MYO1B: variants seen among roughly 807,000 people sequenced by gnomAD.
The protein encoded by MYO1B is myosin IB.
Under a neutral mutation model 159.7 loss-of-function variants are expected in MYO1B, and 72 were observed. The ratio of observed to expected loss-of-function variants is 0.45; its 90% CI spans 0.37 to 0.55. The LOEUF (loss-of-function observed/expected upper bound fraction) is 0.55, where lower values mean the gene tolerates loss of function less well. Ranked by LOEUF, MYO1B falls within the 20% of genes least tolerant of loss-of-function variation. The probability of loss-of-function intolerance (pLI) is 0.00; values close to 1 mark genes in which losing one functional copy is unlikely to be tolerated. For synonymous variants in MYO1B, 468 were observed against 473.8 expected (o/e 0.99, Z 0.16); for missense variants, 1,062 against 1,364.8 (o/e 0.78, Z 3.50).
chr2:191,400,284 G>C, intron 21 of MYO1B, 98 bp from the exon 22 acceptor site: 1 of 1,248,892 alleles, frequency 8.0e-7, no homozygotes, highest in East Asian at 2.3e-5. Context: ...ACAATAGCAT[G>C]GGTGTTAGGA....
At chr2:191,273,732 G>A (rs1267645316) in intron 1 of MYO1B, among the ~76,000 whole-genome samples, 1 of 152,184 alleles carries the variant, frequency 6.6e-6, no homozygotes, top group Non-Finnish European at 1.5e-5. Flanking sequence ...TGGAAGGGAG[G>A]AGGTAGATCT....
At chr2:191,290,702 A>C (rs375741835) in intron 2 of MYO1B, among the ~76,000 whole-genome samples, 2 of 152,210 alleles carry the variant, frequency 1.3e-5, no homozygotes, top group Non-Finnish European at 2.9e-5. Flanking sequence ...ATTCACAGCT[A>C]TAGTACGGCC....
Position 191,411,152 on chromosome 2 carries a change from G to A in MYO1B, c.2853G>A (p.Lys951=), listed in dbSNP as rs201127504. 1.9e-6 allele frequency: 3 copies of A among 1,607,122 alleles called. No homozygotes were observed. The highest frequency in any genetic ancestry group is 2.2e-5 in the East Asian group (1 of 44,650). The change falls in exon 27 of 31, where the codon AAG becomes AAA. Residue 951 remains lysine, a synonymous_variant. Coordinates refer to ENST00000392318, the MANE Select transcript of MYO1B (RefSeq NM_001130158.3). The part of the protein sequence containing the change: ...KLEASELFKD[K]KALYPSSVGQ... Reference sequence around the variant, plus strand: ...AAGCCAGTGAACTCTTCAAAGACAAGAAGGCTTTATACCCATCTAGGTATT... The same window carrying A: ...AAGCCAGTGAACTCTTCAAAGACAAAAAGGCTTTATACCCATCTAGGTATT...
chr2:191,344,599 G>A (rs1431842088), intron 5 of MYO1B, among the ~76,000 whole-genome samples: 1 of 152,018 alleles, frequency 6.6e-6, no homozygotes, highest in South Asian at 2.1e-4. Context: ...GGGAGGCCGA[G>A]GGGGGTGGAT....
At chr2:191,411,368 G>T (rs1311437905) in intron 27 of MYO1B, among the ~76,000 whole-genome samples, 196 bp downstream of exon 27, 1 of 152,136 alleles carries the variant, frequency 6.6e-6, no homozygotes, top group Non-Finnish European at 1.5e-5. Flanking sequence ...ATGAAATGAG[G>T]TTACGATTGT....
At chr2:191,291,193 G>A (rs1559144012) in intron 2 of MYO1B, among the ~76,000 whole-genome samples, 1 of 152,178 alleles carries the variant, frequency 6.6e-6, no homozygotes, top group Non-Finnish European at 1.5e-5. Context: ...TGGCTAGATT[G>A]AATGTCCTCC....
chr2:191,330,243 T>TA (rs1221080477), intron 4 of MYO1B, among the ~76,000 whole-genome samples: 1 of 152,172 alleles, frequency 6.6e-6, no homozygotes, highest in African/African-American at 2.4e-5. Flanking sequence ...ATATGAAGTC[T>TA]AGTGCCGGAT....
intron 15 of MYO1B, among the ~76,000 whole-genome samples, chr2:191,384,541 A>T (rs988320272): frequency 2.0e-5 from 3 of 152,222 alleles, no homozygotes; most frequent in Non-Finnish European, 4.4e-5. Context: ...GTTTCAAAAA[A>T]TCTGAACAAT....
rs904470566 is a variant in MYO1B, at chr2:191,412,534, C to T, written c.2873+1362C>T. ...GAGAGAGGTGGAATAATTTAGCCTC[C>T]CACCACCCTGCAAAGTGGCAGCTCT... is the stretch of plus-strand genomic sequence containing the variant. On this transcript the variant is annotated intron_variant, in intron 27 of 30. Coordinates refer to ENST00000392318, the MANE Select transcript of MYO1B (RefSeq NM_001130158.3). Among the ~76,000 whole-genome samples the T allele has an allele frequency of 1.3e-4, 20 of 152,198 alleles. 1 individual carries two copies. Among genetic ancestry groups the T allele is most frequent in the African/African-American group, 3.6e-4 (15 of 41,442 alleles).
chr2:191,316,863 A>G (rs1434717536), intron 3 of MYO1B, among the ~76,000 whole-genome samples: 1 of 152,188 alleles, frequency 6.6e-6, no homozygotes, highest in Non-Finnish European at 1.5e-5. Flanking sequence ...TAGCTTTTCT[A>G]GGCAGTCTTC....
chr2:191,357,697 A>G (rs1040549409), intron 7 of MYO1B, among the ~76,000 whole-genome samples: 1 of 152,200 alleles, frequency 6.6e-6, no homozygotes, highest in African/African-American at 2.4e-5. Flanking sequence ...GACTTAATTC[A>G]GGGGCACATT....
At chr2:191,411,950 A>G (rs186822535) in intron 27 of MYO1B, among the ~76,000 whole-genome samples, 1 of 152,378 alleles carries the variant, frequency 6.6e-6, no homozygotes, top group East Asian at 1.9e-4. Context: ...ATGGCCAAAG[A>G]AAGAATGTAT....
At position 191,300,590 on chromosome 2, in the gene MYO1B, C is replaced by T. The variant is rs148381139; in HGVS notation, c.251+4364C>T. On this transcript the variant is annotated intron_variant, in intron 3 of 30. Transcript: ENST00000392318. ...AACTCCTGACCTCATGATCTACCCT[C>T]CTCCGCCTCCCAAAGTGTTGGGATT... 4.1e-3 allele frequency among the ~76,000 whole-genome samples: 610 copies of T among 148,082 alleles called. 9 individuals carry two copies. The highest frequency in any genetic ancestry group is 0.014 in the African/African-American group (558 of 40,264).
chr2:191,317,907 A>G (rs1690456023), intron 3 of MYO1B, among the ~76,000 whole-genome samples: 3 of 152,242 alleles, frequency 2.0e-5, no homozygotes, highest in South Asian at 2.1e-4. Context: ...TGTTATTTGT[A>G]AATAGTTGGC....
chr2:191,422,029 T>C (rs1697971193), intron 30 of MYO1B, among the ~76,000 whole-genome samples: 1 of 152,228 alleles, frequency 6.6e-6, no homozygotes, highest in Non-Finnish European at 1.5e-5. Context: ...ACATTTGCCT[T>C]GTTTCATTCT....
At chr2:191,420,744 T>A (rs1164147565) in intron 30 of MYO1B, among the ~76,000 whole-genome samples, 1 of 152,220 alleles carries the variant, frequency 6.6e-6, no homozygotes, top group Non-Finnish European at 1.5e-5. Context: ...TGTATATACA[T>A]ATAGGTATAC....
intron 17 of MYO1B, 21 bp from the exon 18 acceptor site, chr2:191,390,271 A>G (rs1695663732): frequency 6.2e-7 from 1 of 1,602,052 alleles, no homozygotes; most frequent in South Asian, 1.1e-5. Context: ...TTTATAACCT[A>G]AAATCTTTGT....
At chr2:191,398,907 AGGCAGGC>A (rs1306447163) in intron 21 of MYO1B, among the ~76,000 whole-genome samples, 3 of 152,214 alleles carry the variant, frequency 2.0e-5, no homozygotes, top group Non-Finnish European at 4.4e-5. Flanking sequence ...TGGGAGGCCA[AGGCAGGC>A]GGCTGGGAGG....
chr2:191,392,294 G>A lies in MYO1B; in HGVS notation c.2076+93G>A, dbSNP rs1331224940. ...TTTAACTTTATAACATTATATGAGG[G>A]GCCACCATGAATGCCACAAAACACT... On this transcript the variant is annotated intron_variant, in intron 19 of 30. Transcript: ENST00000392318. 14 of 874,580 alleles carry A rather than the reference G, an allele frequency of 1.6e-5. No homozygotes were observed. In the East Asian group the frequency reaches 3.1e-4, roughly 19 times the overall value. 54.2% of individuals were successfully genotyped at this position (874,580 alleles called of 1,614,324 possible).
Sources: allele counts gnomAD v4.1 joint callset (sites outside exome capture counted in the v4.1 genomes callset), GRCh38; gene constraint gnomAD v4.1.1; transcripts MANE v1.5; gene names NCBI Gene and HGNC (gene_info 2026-07-23, HGNC 2026-07-21).